The following HOOK3 variants were observed in gnomAD, a reference collection of about 807,000 sequenced individuals.
The protein encoded by HOOK3 is protein Hook homolog 3.
A neutral mutation model predicts 116.3 loss-of-function variants in HOOK3; 24 were observed. The observed-to-expected ratio is 0.21, with a 90% CI of 0.15 to 0.29. HOOK3 has a LOEUF of 0.29. HOOK3 is among the 10% of genes least tolerant of loss of function. The pLI, the probability that HOOK3 is intolerant of heterozygous loss-of-function variation, is 1.00. For missense variants in HOOK3, 632 were observed against 830.2 expected (o/e 0.76, Z 2.93); for synonymous variants, 275 against 283.0 (o/e 0.97, Z 0.28).
chr8:42,906,526 T>G (rs1255806132), intron 2 of HOOK3, among the ~76,000 whole-genome samples: 5 of 152,190 alleles, frequency 3.3e-5, no homozygotes, highest in Admixed American at 3.3e-4. Context: ...TTCTTGTTAG[T>G]GGCCAGATTT....
intron 2 of HOOK3, among the ~76,000 whole-genome samples, chr8:42,907,773 A>C (rs184469214): frequency 3.7e-4 from 52 of 140,008 alleles, no homozygotes; most frequent in Middle Eastern, 8.6e-3. Flanking sequence ...AAGGATGTCG[A>C]CTCTGCCAGT....
Position 42,982,640 on chromosome 8 carries a change from TG to T in HOOK3, c.1337del (p.Gly446GlufsTer9). 1.2e-6 allele frequency: 2 copies of T among 1,610,334 alleles called. No individual in the cohort carries two copies. The highest frequency in any genetic ancestry group is 1.7e-6 in the Non-Finnish European group (2 of 1,176,630). On this transcript the variant is annotated frameshift_variant, in exon 14 of 22. Coordinates refer to ENST00000307602, the MANE Select transcript of HOOK3 (RefSeq NM_032410.4). LOFTEE classifies it high-confidence loss of function. ...GTATATTTACAGGGTTAATGCCTCT[TG>T]GAAGTCAGGAGTCTTCAGACAGTCT... ...QLTTQGLMPL[G>X]SQESSDSLAA...
chr8:43,012,554 A>G (rs1320126233), intron 19 of HOOK3, among the ~76,000 whole-genome samples: 1 of 152,202 alleles, frequency 6.6e-6, no homozygotes, highest in Non-Finnish European at 1.5e-5. Context: ...ATGTACCCAT[A>G]AAAAATTTTT....
intron 3 of HOOK3, among the ~76,000 whole-genome samples, chr8:42,926,854 T>A (rs1036805128): frequency 7.2e-5 from 11 of 152,240 alleles, no homozygotes; most frequent in Non-Finnish European, 1.5e-4. Flanking sequence ...GACCCAGAAC[T>A]ATTCCGTCAC....
Position 43,024,519 on chromosome 8 carries a change from T to C in HOOK3, c.*6021T>C, listed in dbSNP as rs911925442. The C allele has an allele frequency of 2.7e-5, 5 of 187,926 alleles. No individual in the cohort carries two copies. The highest frequency in any genetic ancestry group is 5.6e-5 in the Non-Finnish European group (5 of 89,136). The allele number at this position is 187,926 out of a possible 1,614,324, so 11.6% of individuals were successfully genotyped here. A position where few individuals can be genotyped will look rare whatever the true frequency, so the allele number is the denominator to read the frequency against. ...AGTTTCTTTTGGTAATTATCCAACC[T>C]AGTTTCATTACATTTAGAAGGAGGT... On this transcript the variant is annotated 3_prime_UTR_variant, in exon 22 of 22. Transcript: ENST00000307602.
chr8:42,897,959 G>A (rs868846077), intron 1 of HOOK3, among the ~76,000 whole-genome samples: 100 of 152,372 alleles, frequency 6.6e-4, no homozygotes, highest in African/African-American at 2.3e-3. Flanking sequence ...CAGAGCCCGG[G>A]CGGACCCCGC....
chr8:42,962,453 A>T (rs1225362447), intron 8 of HOOK3, among the ~76,000 whole-genome samples: 1 of 143,114 alleles, frequency 7.0e-6, no homozygotes, highest in South Asian at 2.2e-4. Context: ...GTCGTCCAGG[A>T]TGGAGTGCAG....
Position 43,011,820 on chromosome 8 carries a change from A to C in HOOK3, c.1840-1231A>C, listed in dbSNP as rs35953055. Reference sequence around the variant, plus strand: ...CTTGAGCCCTGTGGTTCAAGGCTGCAGTGGGCTATGATCACATCACCGCAC... The same window carrying C: ...CTTGAGCCCTGTGGTTCAAGGCTGCCGTGGGCTATGATCACATCACCGCAC... On this transcript the variant is annotated intron_variant, in intron 19 of 21. Transcript: ENST00000307602. Among the ~76,000 whole-genome samples the C allele has an allele frequency of 6.9e-3, 1,046 of 152,346 alleles. 10 individuals carry two copies. Among genetic ancestry groups the C allele is most frequent in the Non-Finnish European group, 0.011 (782 of 68,028 alleles).
At chr8:43,011,240 G>T (rs193030760) in intron 19 of HOOK3, among the ~76,000 whole-genome samples, 6 of 152,048 alleles carry the variant, frequency 3.9e-5, no homozygotes, top group African/African-American at 1.2e-4. Flanking sequence ...TGATCCGCCC[G>T]CCTCGGCCTC....
chr8:42,959,928 T>C (rs1430264324), intron 8 of HOOK3, among the ~76,000 whole-genome samples: 1 of 152,048 alleles, frequency 6.6e-6, no homozygotes, highest in East Asian at 1.9e-4. Flanking sequence ...TACTTGGTAA[T>C]AGAAGAGGCA....
At position 42,897,125 on chromosome 8, in the gene HOOK3, G is replaced by A. The variant is rs1807001567; in HGVS notation, c.-7G>A. 1.6e-6 allele frequency: 2 copies of A among 1,245,648 alleles called. No individual in the cohort carries two copies. The highest frequency in any genetic ancestry group is 2.0e-6 in the Non-Finnish European group (2 of 989,562). 77.2% of individuals were successfully genotyped at this position (1,245,648 alleles called of 1,614,324 possible). A position where few individuals can be genotyped will look rare whatever the true frequency, so the allele number is the denominator to read the frequency against. On this transcript the variant is annotated 5_prime_UTR_variant, in exon 1 of 22. Coordinates refer to ENST00000307602, the MANE Select transcript of HOOK3 (RefSeq NM_032410.4). Reference sequence around the variant, plus strand: ...GCGGTAGGCGCTGCCTGGCCGCGGCGGGGAAGATGTTCAGCGTAGAGTCGC... The same window carrying A: ...GCGGTAGGCGCTGCCTGGCCGCGGCAGGGAAGATGTTCAGCGTAGAGTCGC...
At chr8:42,940,885 C>T (rs1436646649) in intron 4 of HOOK3, among the ~76,000 whole-genome samples, 2 of 152,122 alleles carry the variant, frequency 1.3e-5, no homozygotes, top group Non-Finnish European at 2.9e-5. Context: ...TTCAGGTACA[C>T]CAATCAAACA....
chr8:42,965,073 C>T (rs184759181), intron 9 of HOOK3, among the ~76,000 whole-genome samples: 2 of 152,318 alleles, frequency 1.3e-5, no homozygotes, highest in East Asian at 3.9e-4. Context: ...ACTGAGGAAA[C>T]TTTCAAGAAA....
chr8:43,002,083 A>ACTAAT, intron 16 of HOOK3, 24 bp from the exon 17 acceptor site: 1 of 1,443,160 alleles, frequency 6.9e-7, no homozygotes, highest in Admixed American at 1.7e-5. Flanking sequence ...GAGGTAATAA[A>ACTAAT]CTAATTTTGT....
chr8:42,955,108 C>A (rs1808409870), intron 6 of HOOK3, among the ~76,000 whole-genome samples: 1 of 152,174 alleles, frequency 6.6e-6, no homozygotes, highest in African/African-American at 2.4e-5. Context: ...TTTTAAATTT[C>A]TTTTACCCTC....
At chr8:42,976,112 T>G (rs947951597) in intron 13 of HOOK3, among the ~76,000 whole-genome samples, 2 of 152,036 alleles carry the variant, frequency 1.3e-5, no homozygotes, top group Admixed American at 6.6e-5. Flanking sequence ...AGAGGTGATT[T>G]AAGTCTAATT....
intron 2 of HOOK3, among the ~76,000 whole-genome samples, chr8:42,913,689 A>G (rs1454403273): frequency 6.6e-6 from 1 of 152,168 alleles, no homozygotes; most frequent in Non-Finnish European, 1.5e-5. Flanking sequence ...AATATTCAAG[A>G]AACTGACAAA....
chr8:42,928,281 A>C (rs1421309727), intron 3 of HOOK3, among the ~76,000 whole-genome samples: 1 of 149,654 alleles, frequency 6.7e-6, no homozygotes, highest in Non-Finnish European at 1.5e-5. Context: ...CTGTCTCAGA[A>C]AAAAAAAAAG....
intron 18 of HOOK3, among the ~76,000 whole-genome samples, chr8:43,009,564 T>G (rs962135073): frequency 6.6e-6 from 1 of 152,204 alleles, no homozygotes; most frequent in Admixed American, 6.5e-5. Context: ...CATCCAGACC[T>G]GTGCTTCCCA....
Sources: gnomAD v4.1 joint callset for allele counts (sites outside exome capture counted in the v4.1 genomes callset) on GRCh38, gnomAD v4.1.1 for gene constraint, MANE v1.5 for transcripts, NCBI Gene and HGNC (gene_info 2026-07-23, HGNC 2026-07-21) for gene names.